The following BLTP3B variants were observed in gnomAD, a reference collection of about 807,000 sequenced individuals.
The protein encoded by BLTP3B is bridge-like lipid transfer protein family member 3B.
At chr12:100,100,007 C>T in the BLTP3B span, among the ~76,000 whole-genome samples, 2 of 150,730 alleles carry the variant, frequency 1.3e-5, no homozygotes, top group Non-Finnish European at 3.0e-5. Context: ...AAAAAAAATG[C>T]TATTCTCAGC....
the BLTP3B span, among the ~76,000 whole-genome samples, chr12:100,060,261 T>G: frequency 6.6e-6 from 1 of 152,138 alleles, no homozygotes; most frequent in African/African-American, 2.4e-5. Flanking sequence ...TGTTTTAATA[T>G]TTCAAAATAT....
At chr12:100,039,162 C>CAA in the BLTP3B span, among the ~76,000 whole-genome samples, 19 of 133,496 alleles carry the variant, frequency 1.4e-4, no homozygotes, top group South Asian at 2.4e-4. Flanking sequence ...TTTATAATGG[C>CAA]AAAAAAAAAA....
the BLTP3B span, among the ~76,000 whole-genome samples, chr12:100,069,054 G>C: frequency 0.22 from 34,097 of 151,918 alleles, 4,945 homozygotes; most frequent in African/African-American, 0.41. Flanking sequence ...TGGTTAACAT[G>C]TTAAAATTTT....
the BLTP3B span, chr12:100,104,038 A>G: frequency 2.2e-6 from 2 of 908,140 alleles, no homozygotes; most frequent in Non-Finnish European, 3.3e-6. Flanking sequence ...ATATTAATAT[A>G]GGACAGACAC....
the BLTP3B span, among the ~76,000 whole-genome samples, chr12:100,125,136 A>C: frequency 1.2e-4 from 18 of 149,474 alleles, no homozygotes; most frequent in Non-Finnish European, 1.6e-4. Flanking sequence ...GTTCCAGATA[A>C]GCCCGGCCAA....
chr12:100,048,346 CACT>C, the BLTP3B span: 1 of 773,804 alleles, frequency 1.3e-6, no homozygotes, highest in East Asian at 3.2e-5. Context: ...TACGTACACA[CACT>C]AATTTCAATA....
the BLTP3B span, chr12:100,128,818 TGCCCTTTG>T: frequency 2.8e-6 from 3 of 1,080,584 alleles, no homozygotes; most frequent in Admixed American, 7.9e-5. Flanking sequence ...TTAGCTGTGG[TGCCCTTTG>T]GAAAAAAAAA....
the BLTP3B span, among the ~76,000 whole-genome samples, chr12:100,139,061 C>A: frequency 2.0e-5 from 3 of 152,150 alleles, no homozygotes; most frequent in Non-Finnish European, 4.4e-5. Flanking sequence ...CCTTCAAAAG[C>A]TTTTCCTGTT....
At chr12:100,139,900 A>C in the BLTP3B span, among the ~76,000 whole-genome samples, 1 of 152,222 alleles carries the variant, frequency 6.6e-6, no homozygotes, top group Non-Finnish European at 1.5e-5. Context: ...GGGGCTCACA[A>C]TTTTAAACTC....
At chr12:100,057,103 T>C in the BLTP3B span, among the ~76,000 whole-genome samples, 1 of 152,342 alleles carries the variant, frequency 6.6e-6, no homozygotes, top group South Asian at 2.1e-4. Context: ...ATTTTGTAAA[T>C]CAGTAGAATT....
At chr12:100,086,444 G>C in the BLTP3B span, 2 of 793,806 alleles carry the variant, frequency 2.5e-6, no homozygotes, top group South Asian at 3.8e-5. Context: ...AGCATACTTG[G>C]AGTCCAAATA....
chr12:100,083,027 T>C, the BLTP3B span: 1 of 1,612,822 alleles, frequency 6.2e-7, no homozygotes, highest in South Asian at 1.1e-5. Context: ...TGGTATATAT[T>C]GAAATCTGCA....
the BLTP3B span, chr12:100,048,041 A>T: frequency 6.2e-7 from 1 of 1,611,964 alleles, no homozygotes; most frequent in Non-Finnish European, 8.5e-7. Flanking sequence ...ATAAGAGAAG[A>T]TGTAAGAAAC....
the BLTP3B span, among the ~76,000 whole-genome samples, chr12:100,135,281 C>CTTTTTT: frequency 2.1e-5 from 3 of 141,252 alleles, no homozygotes; most frequent in South Asian, 2.2e-4. Flanking sequence ...TTCTTTCTTT[C>CTTTTTT]TTTTTTTTTT....
At chr12:100,120,065 AAAGT>A in the BLTP3B span, among the ~76,000 whole-genome samples, 1 of 152,250 alleles carries the variant, frequency 6.6e-6, no homozygotes. Flanking sequence ...TTACAACTTG[AAAGT>A]AAGACAATTC....
the BLTP3B span, among the ~76,000 whole-genome samples, chr12:100,121,893 T>C: frequency 1.3e-5 from 2 of 152,138 alleles, no homozygotes; most frequent in Non-Finnish European, 2.9e-5. Context: ...ATAAATCAGT[T>C]ATATTTTAAT....
chr12:100,130,991 G>T, the BLTP3B span, among the ~76,000 whole-genome samples: 140 of 67,372 alleles, frequency 2.1e-3, 2 homozygotes, highest in East Asian at 0.029. Flanking sequence ...GGGAGAGAGA[G>T]AGAGAGAGAG....
the BLTP3B span, among the ~76,000 whole-genome samples, chr12:100,098,788 A>T: frequency 5.3e-5 from 8 of 151,830 alleles, no homozygotes; most frequent in South Asian, 1.5e-3. Flanking sequence ...ACATGCCTGT[A>T]ATTTCAGCTA....
chr12:100,101,778 C>T, the BLTP3B span, among the ~76,000 whole-genome samples: 1 of 152,058 alleles, frequency 6.6e-6, no homozygotes. Flanking sequence ...TAGAGTAACC[C>T]AAAAGGTCTG....
Sources: gnomAD v4.1 joint callset for allele counts (sites outside exome capture counted in the v4.1 genomes callset) on GRCh38, gnomAD v4.1.1 for gene constraint, MANE v1.5 for transcripts, NCBI Gene and HGNC (gene_info 2026-07-23, HGNC 2026-07-21) for gene names.